The following CDH10 variants were observed in gnomAD, a reference collection of about 807,000 sequenced individuals.
The protein encoded by CDH10 is cadherin-10.
A neutral mutation model predicts 73.1 loss-of-function variants in CDH10; 30 were observed. That is an observed-to-expected ratio of 0.41 (90% confidence interval 0.31 to 0.56). CDH10 has a LOEUF of 0.56. Among genes scored for constraint, CDH10 ranks in the 20% least tolerant of loss-of-function variants. CDH10 has a pLI of 0.27. For synonymous variants in CDH10, 345 were observed against 348.2 expected (o/e 0.99, Z 0.10); for missense variants, 815 against 973.7 (o/e 0.84, Z 2.17).
chr5:24,596,125 A>T lies in CDH10; in HGVS notation c.-123-2512T>A, dbSNP rs188398566. Among the ~76,000 whole-genome samples the T allele has an allele frequency of 1.2e-3, 179 of 152,102 alleles. 2 individuals carry two copies. Among genetic ancestry groups the T allele is most frequent in the Admixed American group, 0.011 (160 of 15,238 alleles). ...ATAAAAATAGAAAATTATATGAAAC[A>T]AATCTAACATTTAATTTCTCTGCAG... On this transcript the variant is annotated intron_variant, in intron 1 of 11. Coordinates refer to ENST00000264463, the MANE Select transcript of CDH10 (RefSeq NM_006727.5).
chr5:24,509,826 A>G lies in CDH10; in HGVS notation c.1003-7T>C, dbSNP rs1477174201. On this transcript the variant is annotated splice_region_variant and splice_polypyrimidine_tract_variant and intron_variant, in intron 6 of 11. Transcript: ENST00000264463. ...GGCTCTCATAGTCGAGTGGCTGTAT[A>G]AAAAAATAAATCATCAAATTAGAGT... 1 of 1,593,650 alleles carries G rather than the reference A, an allele frequency of 6.3e-7. No individual in the cohort carries two copies. The highest frequency in any genetic ancestry group is 1.1e-5 in the South Asian group (1 of 88,026).
At chr5:24,565,233 G>T (rs1451303012) in intron 2 of CDH10, among the ~76,000 whole-genome samples, 1 of 152,160 alleles carries the variant, frequency 6.6e-6, no homozygotes, top group African/African-American at 2.4e-5. Flanking sequence ...CAGACAACAT[G>T]ATGATGTGTG....
intron 2 of CDH10, among the ~76,000 whole-genome samples, chr5:24,548,150 C>G (rs1744408378): frequency 6.6e-6 from 1 of 150,900 alleles, no homozygotes; most frequent in African/African-American, 2.4e-5. Flanking sequence ...TTTTCTGAGA[C>G]TGAAGCTTGC....
chr5:24,610,458 A>G (rs1746905655), intron 1 of CDH10, among the ~76,000 whole-genome samples: 1 of 152,190 alleles, frequency 6.6e-6, no homozygotes, highest in Non-Finnish European at 1.5e-5. Flanking sequence ...AGAGAGATTT[A>G]AATATTAATG....
chr5:24,584,464 T>TGTG (rs1554023319), intron 2 of CDH10, among the ~76,000 whole-genome samples: 6 of 55,466 alleles, frequency 1.1e-4, no homozygotes, highest in African/African-American at 2.6e-4. Context: ...TTTTTTTTTT[T>TGTG]TGTGTGTGTG....
chr5:24,599,552 C>T (rs1428748024), intron 1 of CDH10, among the ~76,000 whole-genome samples: 2 of 152,122 alleles, frequency 1.3e-5, no homozygotes, highest in African/African-American at 4.8e-5. Context: ...GTGTGTTCAA[C>T]TATGAGAATG....
At position 24,580,354 on chromosome 5, in the gene CDH10, T is replaced by C. The variant is rs12654109; in HGVS notation, c.231+12906A>G. The stretch of plus-strand genomic sequence containing the variant: ...ATTGGATTTAGATGGCAAAGTTATA[T>C]TAACCATATAAAATCAGATAGGCAG... On this transcript the variant is annotated intron_variant, in intron 2 of 11. Transcript: ENST00000264463. Among the ~76,000 whole-genome samples the C allele has an allele frequency of 2.1e-3, 323 of 152,298 alleles. 8 individuals carry two copies. In the East Asian group the frequency reaches 0.047, roughly 22 times the overall value.
At chr5:24,624,732 T>C (rs1455972578) in intron 1 of CDH10, among the ~76,000 whole-genome samples, 1 of 152,120 alleles carries the variant, frequency 6.6e-6, no homozygotes, top group Non-Finnish European at 1.5e-5. Context: ...TGAAGGTCCC[T>C]TGATTGGTGA....
intron 2 of CDH10, among the ~76,000 whole-genome samples, chr5:24,588,256 T>A (rs552644854): frequency 6.6e-6 from 1 of 152,336 alleles, no homozygotes; most frequent in East Asian, 1.9e-4. Flanking sequence ...TATCTCTTCA[T>A]GTCCTATTCA....
rs138006537 is a variant in CDH10, at chr5:24,582,292, C to T, written c.231+10968G>A. Among the ~76,000 whole-genome samples, 660 of 152,130 alleles carry T rather than the reference C, an allele frequency of 4.3e-3. 3 individuals are homozygous for T. Among genetic ancestry groups the T allele is most frequent in the African/African-American group, 0.013 (552 of 41,510 alleles). ...TCAAATACGTTTATGTAGAAAGATA[C>T]GCTACACAACAATATTTGGCAAAAG... On this transcript the variant is annotated intron_variant, in intron 2 of 11. Coordinates refer to ENST00000264463, the MANE Select transcript of CDH10 (RefSeq NM_006727.5).
At chr5:24,554,104 AGGTGG>A (rs1561159122) in intron 2 of CDH10, 1 of 38,586 alleles carries the variant, frequency 2.6e-5, no homozygotes, top group Non-Finnish European at 5.4e-5. Flanking sequence ...AGAGAAGGGG[AGGTGG>A]GCGGGGGGGG....
At chr5:24,622,012 T>C (rs922335369) in intron 1 of CDH10, among the ~76,000 whole-genome samples, 4 of 152,202 alleles carry the variant, frequency 2.6e-5, no homozygotes, top group African/African-American at 4.8e-5. Flanking sequence ...TCCAAGTGCA[T>C]TGGCTTCTTG....
chr5:24,592,814 A>G (rs1164196799), intron 2 of CDH10, among the ~76,000 whole-genome samples: 1 of 151,920 alleles, frequency 6.6e-6, no homozygotes, highest in South Asian at 2.1e-4. Flanking sequence ...CTTGAATCAT[A>G]TTTTGATGAC....
chr5:24,614,945 A>G (rs191262039), intron 1 of CDH10, among the ~76,000 whole-genome samples: 3 of 152,266 alleles, frequency 2.0e-5, no homozygotes, highest in Admixed American at 2.0e-4. Flanking sequence ...GGTTTTACCC[A>G]TTGTGCCATC....
intron 4 of CDH10, among the ~76,000 whole-genome samples, chr5:24,535,494 C>T (rs956446446): frequency 1.3e-5 from 2 of 151,958 alleles, no homozygotes; most frequent in Admixed American, 6.6e-5. Flanking sequence ...CTTTGAGTGG[C>T]CTATGCTTAT....
At chr5:24,601,484 C>T (rs1295643853) in intron 1 of CDH10, among the ~76,000 whole-genome samples, 1 of 152,020 alleles carries the variant, frequency 6.6e-6, no homozygotes, top group Non-Finnish European at 1.5e-5. Flanking sequence ...AGCTAGCTTC[C>T]AGTTTGCTGA....
At chr5:24,530,656 A>G (rs1743707777) in intron 5 of CDH10, among the ~76,000 whole-genome samples, 1 of 151,992 alleles carries the variant, frequency 6.6e-6, no homozygotes, top group Non-Finnish European at 1.5e-5. Flanking sequence ...TCCTCAATGG[A>G]ACTGTTATTG....
intron 2 of CDH10, among the ~76,000 whole-genome samples, chr5:24,562,851 T>C (rs1344197765): frequency 1.4e-4 from 22 of 152,244 alleles, no homozygotes; most frequent in African/African-American, 7.2e-5. Context: ...TACAAACTTA[T>C]AGAAAGGTAA....
chr5:24,591,309 T>C (rs2112086892), intron 2 of CDH10, among the ~76,000 whole-genome samples: 1 of 152,056 alleles, frequency 6.6e-6, no homozygotes, highest in African/African-American at 2.4e-5. Context: ...TTGATTGAAA[T>C]GTGAGCTAAA....
Sources: gnomAD v4.1 joint callset for allele counts (sites outside exome capture counted in the v4.1 genomes callset) on GRCh38, gnomAD v4.1.1 for gene constraint, MANE v1.5 for transcripts, NCBI Gene and HGNC (gene_info 2026-07-23, HGNC 2026-07-21) for gene names.